Variants in SLC4A4 observed in about 807,000 individuals in gnomAD.
SLC4A4 encodes electrogenic sodium bicarbonate cotransporter 1.
A neutral mutation model predicts 111.5 loss-of-function variants in SLC4A4; 27 were observed. The ratio of observed to expected loss-of-function variants is 0.24; its 90% CI spans 0.18 to 0.33. The LOEUF (loss-of-function observed/expected upper bound fraction) is 0.33, where lower values mean the gene tolerates loss of function less well. Ranked by LOEUF, SLC4A4 falls within the 10% of genes least tolerant of loss-of-function variation. The pLI, the probability that SLC4A4 is intolerant of heterozygous loss-of-function variation, is 1.00. For missense variants in SLC4A4, 909 were observed against 1,315.5 expected (o/e 0.69, Z 4.78); for synonymous variants, 443 against 463.4 (o/e 0.96, Z 0.57).
chr4:71,231,823 A>G (rs997890344), intron 1 of SLC4A4, among the ~76,000 whole-genome samples: 1 of 152,174 alleles, frequency 6.6e-6, no homozygotes, highest in Non-Finnish European at 1.5e-5. Flanking sequence ...TGGATGAGTT[A>G]ATTTCTTCCT....
chr4:71,064,840 A>G (rs552688911), intron 1 of SLC4A4, among the ~76,000 whole-genome samples: 6 of 152,350 alleles, frequency 3.9e-5, no homozygotes, highest in African/African-American at 1.4e-4. Flanking sequence ...ATCTAATCGT[A>G]GACGAGTTAT....
chr4:71,538,432 G>T (rs1734759911), intron 18 of SLC4A4, among the ~76,000 whole-genome samples: 1 of 152,090 alleles, frequency 6.6e-6, no homozygotes, highest in African/African-American at 2.4e-5. Flanking sequence ...GAGAGTTATG[G>T]AATAGGTGTC....
At chr4:71,133,789 T>C (rs1372292495) in intron 2 of SLC4A4, among the ~76,000 whole-genome samples, 1 of 152,194 alleles carries the variant, frequency 6.6e-6, no homozygotes, top group African/African-American at 2.4e-5. Flanking sequence ...GCTGCCCTGA[T>C]ACCGAACTTG....
chr4:71,563,880 CCTT>C lies in SLC4A4; in HGVS notation c.3190_3192del (p.Ser1064del). ...GCAACCTTTCCTAAGCGATAGCAAA[CCTT>C]CTGACAGTGAGTAGAACTAACCTCT... On this transcript the variant is annotated inframe_deletion, in exon 24 of 26. Coordinates refer to ENST00000264485, the MANE Select transcript of SLC4A4 (RefSeq NM_001098484.3). 6.2e-7 allele frequency: 1 copy of C among 1,603,786 alleles called. No homozygotes were observed. The highest frequency in any genetic ancestry group is 8.5e-7 in the Non-Finnish European group (1 of 1,171,394).
intron 6 of SLC4A4, among the ~76,000 whole-genome samples, chr4:71,393,057 C>A (rs952219107): frequency 6.6e-6 from 1 of 152,066 alleles, no homozygotes; most frequent in Non-Finnish European, 1.5e-5. Flanking sequence ...CCACAGCCAA[C>A]ATAATACTAA....
At chr4:71,473,267 T>A (rs1728055747) in intron 14 of SLC4A4, 1 of 603,286 alleles carries the variant, frequency 1.7e-6, no homozygotes, top group Admixed American at 2.9e-5. Context: ...CTTGATTTTA[T>A]AAGTGGGGAA....
intron 16 of SLC4A4, among the ~76,000 whole-genome samples, chr4:71,504,948 T>C (rs1703122261): frequency 6.6e-6 from 1 of 152,144 alleles, no homozygotes; most frequent in African/African-American, 2.4e-5. Context: ...TCTCATCATT[T>C]AACTTCCACT....
intron 2 of SLC4A4, among the ~76,000 whole-genome samples, chr4:71,110,122 A>G (rs1391168926): frequency 2.0e-5 from 3 of 152,108 alleles, no homozygotes; most frequent in Non-Finnish European, 4.4e-5. Context: ...GATTGTAATT[A>G]CTGTCTGGGT....
intron 1 of SLC4A4, among the ~76,000 whole-genome samples, chr4:71,085,363 C>G (rs1464173751): frequency 6.6e-6 from 1 of 151,930 alleles, no homozygotes; most frequent in Non-Finnish European, 1.5e-5. Flanking sequence ...GTTGCCTGTT[C>G]ACTCTGATGG....
chr4:71,536,485 T>TAAAAAA (rs1553928652), intron 18 of SLC4A4, among the ~76,000 whole-genome samples: 3 of 84,032 alleles, frequency 3.6e-5, no homozygotes, highest in East Asian at 6.3e-4. Flanking sequence ...TATATATATA[T>TAAAAAA]ATGTATATAT....
chr4:71,300,783 C>T (rs911880641), intron 3 of SLC4A4: 10 of 363,634 alleles, frequency 2.8e-5, no homozygotes, highest in Non-Finnish European at 4.4e-5. Context: ...AGCAGACCCC[C>T]GCAGCCATCT....
intron 2 of SLC4A4, among the ~76,000 whole-genome samples, chr4:71,128,125 G>C (rs767246168): frequency 6.6e-6 from 1 of 152,152 alleles, no homozygotes; most frequent in Non-Finnish European, 1.5e-5. Flanking sequence ...CCTGAAACTG[G>C]GCAATTAACA....
intron 3 of SLC4A4, among the ~76,000 whole-genome samples, chr4:71,281,660 C>T (rs1723526426): frequency 6.6e-6 from 1 of 152,130 alleles, no homozygotes. Flanking sequence ...TTTAATATTG[C>T]ATTTAAGTGT....
At chr4:71,375,937 C>CA (rs1732308180) in intron 6 of SLC4A4, among the ~76,000 whole-genome samples, 1 of 151,602 alleles carries the variant, frequency 6.6e-6, no homozygotes, top group African/African-American at 2.4e-5. Flanking sequence ...TCCTGATTCT[C>CA]AAAGTAGGAA....
Position 71,534,984 on chromosome 4 carries a change from C to T in SLC4A4, c.2442+596C>T, listed in dbSNP as rs925401749. Among the ~76,000 whole-genome samples the T allele has an allele frequency of 9.2e-5, 14 of 152,178 alleles. No individual in the cohort carries two copies. In the South Asian group the frequency reaches 2.3e-3, roughly 25 times the overall value. ...TCTGGGATATCTTTCAAGAGAGCTG[C>T]CTAAAATGCTCTTACTTTATATAAT... On this transcript the variant is annotated intron_variant, in intron 18 of 25. Coordinates refer to ENST00000264485, the MANE Select transcript of SLC4A4 (RefSeq NM_001098484.3).
intron 7 of SLC4A4, chr4:71,434,567 GCTCTCAATTATGATGGAAACTGGATGCAC>G: frequency 6.5e-6 from 1 of 152,700 alleles, no homozygotes; most frequent in Non-Finnish European, 1.5e-5. Context: ...TCCCATAAAA[GCTCTCAATTATGATGGAAACTGGATGCAC>G]CCTCTTAAGA....
chr4:71,275,842 A>G (rs1178599205), intron 3 of SLC4A4, among the ~76,000 whole-genome samples: 1 of 152,250 alleles, frequency 6.6e-6, no homozygotes, highest in Non-Finnish European at 1.5e-5. Flanking sequence ...TCCCACCAAC[A>G]TTAGAACTTT....
intron 3 of SLC4A4, among the ~76,000 whole-genome samples, chr4:71,301,593 C>T (rs149534746): frequency 6.6e-6 from 1 of 152,392 alleles, no homozygotes; most frequent in African/African-American, 2.4e-5. Context: ...CTGCCTCCCT[C>T]ATAGCATCTA....
intron 4 of SLC4A4, among the ~76,000 whole-genome samples, chr4:71,340,694 C>G (rs2148890933): frequency 6.6e-6 from 1 of 152,122 alleles, no homozygotes; most frequent in South Asian, 2.1e-4. Context: ...ACTCTGTTGC[C>G]TCTTAGTGAC....
Sources: gnomAD v4.1 joint callset for allele counts (sites outside exome capture counted in the v4.1 genomes callset) on GRCh38, gnomAD v4.1.1 for gene constraint, MANE v1.5 for transcripts, NCBI Gene and HGNC (gene_info 2026-07-23, HGNC 2026-07-21) for gene names.